GULP1: variants seen among roughly 807,000 people sequenced by gnomAD.
GULP1 encodes the protein GULP PTB domain containing engulfment adaptor 1.
Under a neutral mutation model 40.9 loss-of-function variants are expected in GULP1, and 19 were observed. That is an observed-to-expected ratio of 0.46 (90% CI 0.32 to 0.68). The LOEUF (loss-of-function observed/expected upper bound fraction) is 0.68, where lower values mean the gene tolerates loss of function less well. Among genes scored for constraint, GULP1 ranks in the 30% least tolerant of loss-of-function variants. The pLI is 0.03. For synonymous variants in GULP1, 119 were observed against 117.6 expected (o/e 1.01, Z -0.08); for missense variants, 312 against 362.2 (o/e 0.86, Z 1.12).
intron 4 of GULP1, among the ~76,000 whole-genome samples, chr2:188,501,047 G>C (rs577711841): frequency 2.0e-5 from 3 of 151,918 alleles, no homozygotes; most frequent in African/African-American, 7.2e-5. Flanking sequence ...GACCCTATAT[G>C]TACTTACCTA....
intron 1 of GULP1, among the ~76,000 whole-genome samples, chr2:188,329,129 C>A (rs1410251253): frequency 6.7e-6 from 1 of 149,454 alleles, no homozygotes; most frequent in Non-Finnish European, 1.5e-5. Flanking sequence ...TCAAGGCAGC[C>A]CTCTCTATTG....
intron 2 of GULP1, among the ~76,000 whole-genome samples, chr2:188,474,288 C>G (rs1031123294): frequency 1.3e-5 from 2 of 152,146 alleles, no homozygotes; most frequent in African/African-American, 4.8e-5. Flanking sequence ...GCTCTGGACC[C>G]AGTTCATCAC....
chr2:188,556,082 G>GA (rs1049669553), intron 7 of GULP1, among the ~76,000 whole-genome samples: 19 of 148,836 alleles, frequency 1.3e-4, no homozygotes, highest in Admixed American at 1.0e-3. Context: ...AAAAGAAAAA[G>GA]AAAAAAAAAG....
intron 1 of GULP1, among the ~76,000 whole-genome samples, chr2:188,364,678 A>T (rs1420086541): frequency 6.6e-6 from 1 of 150,668 alleles, no homozygotes; most frequent in Non-Finnish European, 1.5e-5. Flanking sequence ...GATATGCTGC[A>T]GTGTAGATCA....
chr2:188,393,610 T>C (rs2050818043), intron 2 of GULP1, among the ~76,000 whole-genome samples: 1 of 152,152 alleles, frequency 6.6e-6, no homozygotes, highest in Non-Finnish European at 1.5e-5. Flanking sequence ...GTTCCAGTTA[T>C]TATGTTGATC....
chr2:188,482,278 A>C (rs13392850), intron 3 of GULP1, among the ~76,000 whole-genome samples: 20,175 of 151,936 alleles, frequency 0.13, 3,317 homozygotes, highest in African/African-American at 0.39. Context: ...TCTTCACATT[A>C]ACCCAGTTTA....
At chr2:188,529,429 A>G (rs950151945) in intron 6 of GULP1, among the ~76,000 whole-genome samples, 3 of 152,166 alleles carry the variant, frequency 2.0e-5, no homozygotes, top group Non-Finnish European at 4.4e-5. Flanking sequence ...AGTGCATTCA[A>G]CAGTGTTTGG....
At chr2:188,479,618 A>G (rs2061294393) in intron 3 of GULP1, among the ~76,000 whole-genome samples, 1 of 152,074 alleles carries the variant, frequency 6.6e-6, no homozygotes, top group Non-Finnish European at 1.5e-5. Flanking sequence ...TTACATCACA[A>G]CTTAACACTT....
intron 2 of GULP1, among the ~76,000 whole-genome samples, chr2:188,450,730 C>T (rs775983098): frequency 4.6e-5 from 7 of 151,984 alleles, no homozygotes; most frequent in Non-Finnish European, 8.8e-5. Context: ...AGATGTTTCC[C>T]GTTTATTAAG....
intron 2 of GULP1, among the ~76,000 whole-genome samples, chr2:188,419,956 G>C (rs1433542100): frequency 6.6e-6 from 1 of 152,124 alleles, no homozygotes; most frequent in African/African-American, 2.4e-5. Flanking sequence ...GTTGAAGAGA[G>C]TATCCTTTCT....
At chr2:188,489,334 G>A (rs1269875207) in intron 4 of GULP1, among the ~76,000 whole-genome samples, 1 of 151,966 alleles carries the variant, frequency 6.6e-6, no homozygotes, top group Non-Finnish European at 1.5e-5. Context: ...GCACTTGCCA[G>A]TTTTGCTGGT....
chr2:188,510,490 C>G (rs1222386959), intron 4 of GULP1, among the ~76,000 whole-genome samples: 1 of 151,612 alleles, frequency 6.6e-6, no homozygotes. Context: ...GTAAGCTGAC[C>G]ACATACTGGG....
intron 1 of GULP1, among the ~76,000 whole-genome samples, chr2:188,323,673 T>A (rs2040340629): frequency 4.5e-5 from 5 of 111,952 alleles, no homozygotes; most frequent in Admixed American, 4.2e-4. Context: ...TGTGTGTGTG[T>A]GTGTGTGTGT....
intron 6 of GULP1, 24 bp downstream of exon 6, chr2:188,529,219 G>A (rs767479506): frequency 2.8e-6 from 3 of 1,080,476 alleles, no homozygotes; most frequent in African/African-American, 3.2e-5. Flanking sequence ...TTTAATGTTA[G>A]AGGCAATCTT....
chr2:188,385,941 C>T (rs113576432), intron 2 of GULP1, among the ~76,000 whole-genome samples: 7 of 152,288 alleles, frequency 4.6e-5, no homozygotes, highest in South Asian at 2.1e-4. Flanking sequence ...CAAACTTTCC[C>T]ACATTCTCCT....
chr2:188,477,575 C>G lies in GULP1; in HGVS notation c.-44-84C>G, dbSNP rs577375609. Reference sequence around the variant, plus strand: ...TAAATATTTTTAAAAATTTAAAAAGCCTTTATAATTAAAACCACATTAGCA... The same window carrying G: ...TAAATATTTTTAAAAATTTAAAAAGGCTTTATAATTAAAACCACATTAGCA... On this transcript the variant is annotated intron_variant, in intron 2 of 11. Transcript: ENST00000409830. The G allele has an allele frequency of 1.9e-4, 129 of 678,104 alleles. No homozygotes were observed. In the South Asian group the frequency reaches 2.5e-3, roughly 13 times the overall value. 42.0% of individuals were successfully genotyped at this position (678,104 alleles called of 1,614,324 possible).
chr2:188,483,634 C>T (rs1342119522), intron 4 of GULP1, 142 bp downstream of exon 4: 2 of 414,364 alleles, frequency 4.8e-6, no homozygotes, highest in African/African-American at 4.1e-5. Flanking sequence ...ATAATTGTGG[C>T]ATGGGAAGTT....
chr2:188,385,607 A>G (rs1293871965), intron 2 of GULP1, among the ~76,000 whole-genome samples: 1 of 152,078 alleles, frequency 6.6e-6, no homozygotes, highest in Non-Finnish European at 1.5e-5. Flanking sequence ...CAGACTGCAA[A>G]TTTTCTGAAC....
intron 1 of GULP1, among the ~76,000 whole-genome samples, chr2:188,341,022 G>A (rs1240132354): frequency 6.6e-6 from 1 of 152,112 alleles, no homozygotes; most frequent in Non-Finnish European, 1.5e-5. Context: ...GATAGGGGAT[G>A]GGACAGGTCA....
Sources: gnomAD v4.1 joint callset for allele counts (sites outside exome capture counted in the v4.1 genomes callset) on GRCh38, gnomAD v4.1.1 for gene constraint, MANE v1.5 for transcripts, NCBI Gene and HGNC (gene_info 2026-07-23, HGNC 2026-07-21) for gene names.